SCT: variants seen among roughly 807,000 people sequenced by gnomAD.
SCT encodes secretin.
In SCT, 17 loss-of-function variants were observed where a neutral mutation model predicts 10.9. That is an observed-to-expected ratio of 1.55 (90% CI 1.06 to 2.33). The LOEUF is 2.33. Among genes scored for constraint, SCT ranks in the 30% most tolerant of loss-of-function variants. The pLI is 0.00. For missense variants in SCT, 230 were observed against 165.9 expected (o/e 1.39, Z -2.12); for synonymous variants, 96 against 73.9 (o/e 1.30, Z -1.54).
chr11:626,530 C>A lies in SCT; in HGVS notation c.267G>T (p.Trp89Cys). The change falls in exon 4 of 4, where the codon TGG becomes TGT. Residue 89 changes from tryptophan to cysteine, a missense_variant and splice_region_variant. Transcript: ENST00000176195. ...SGSNMPILQA[W>C]MPLDGTWSPW... is the part of the protein sequence containing the mutation. ...GAGACCAGGTCCCGTCCAGGGGCAT[C>A]CTGCAGAGACAGCACGTGAGGGTCT... The A allele has an allele frequency of 6.4e-7, 1 of 1,556,068 alleles. No individual in the cohort carries two copies. The highest frequency in any genetic ancestry group is 8.7e-7 in the Non-Finnish European group (1 of 1,149,398).
rs760546978 is a variant in SCT, at chr11:626,945, C to T, written c.116G>A (p.Arg39His). The change falls in exon 2 of 4, where the codon CGC becomes CAC. Residue 39 changes from arginine to histidine, a missense_variant. Physicochemically the swap from Arg to His is conservative, Grantham distance 29. Transcript: ENST00000176195. Reference protein sequence around the residue: ...SDGTFTSELSRLREGARLQRL... With the variant: ...SDGTFTSELSHLREGARLQRL... ...CTGGAGCCGCGCGCCCTCCCGCAGG[C>T]GGCTGAGCTCGCTGGTGAACGTCCC... 506 of 1,420,376 alleles carry T rather than the reference C, an allele frequency of 3.6e-4. 2 individuals carry two copies. Among genetic ancestry groups the T allele is most frequent in the Non-Finnish European group, 1.9e-4 (207 of 1,074,138 alleles). The allele number at this position is 1,420,376 out of a possible 1,614,324, so 88.0% of individuals were successfully genotyped here.
chr11:627,053 G>A lies in SCT; in HGVS notation c.71+20C>T, dbSNP rs1399738273. 5 of 1,194,410 alleles carry A rather than the reference G, an allele frequency of 4.2e-6. No homozygotes were observed. Among genetic ancestry groups the A allele is most frequent in the Non-Finnish European group, 3.2e-6 (3 of 948,266 alleles). The allele number at this position is 1,194,410 out of a possible 1,614,324, so 74.0% of individuals were successfully genotyped here. ...GGCGGGTGGGGCCCGGGGGGCGGGC[G>A]GGCCTGGCGGGCGGCTCACCTGGGG... is the stretch of plus-strand genomic sequence containing the variant. On this transcript the variant is annotated intron_variant, in intron 1 of 3. Transcript: ENST00000176195.
At position 626,720 on chromosome 11, in the gene SCT, G is replaced by A. The variant is rs1354705479; in HGVS notation, c.243C>T (p.Ser81=). 6.5e-7 allele frequency: 1 copy of A among 1,550,222 alleles called. No individual in the cohort carries two copies. Among genetic ancestry groups the A allele is most frequent in the Non-Finnish European group, 8.7e-7 (1 of 1,146,614 alleles). The change falls in exon 3 of 4, where the codon TCC becomes TCT. Residue 81 remains serine (S), a synonymous_variant. Coordinates refer to ENST00000176195, the MANE Select transcript of SCT (RefSeq NM_021920.4). ...ACCAGGCCTGCAGGATGGGCATGTT[G>A]GACCCTGACGGGCAGAGCAGACCCG... ...LSAGLLCPSG[S]NMPILQAWMP...
chr11:627,116 G>C lies in SCT; in HGVS notation c.28C>G (p.Leu10Val), dbSNP rs1857795845. The change falls in exon 1 of 4, where the codon CTG becomes GTG. Residue 10 changes from leucine to valine, a missense_variant. By Grantham distance (32) the Leu-to-Val change is conservative (BLOSUM62 1). Transcript: ENST00000176195. Reference sequence around the variant, plus strand: ...GCGGCGGAGCCCCCGAGGAGCAGCAGCAGCAGCAGGAGGGGCCGGGGGGCC... The same window carrying C: ...GCGGCGGAGCCCCCGAGGAGCAGCACCAGCAGCAGGAGGGGCCGGGGGGCC... Reference protein sequence around the residue: MAPRPLLLLLLLLGGSAARP... With the variant: MAPRPLLLLVLLLGGSAARP... The C allele has an allele frequency of 2.9e-6, 3 of 1,036,090 alleles. No individual in the cohort carries two copies. The highest frequency in any genetic ancestry group is 3.6e-6 in the Non-Finnish European group (3 of 841,854). The allele number at this position is 1,036,090 out of a possible 1,614,324, so 64.2% of individuals were successfully genotyped here.
intron 1 of SCT, 30 bp from the exon 2 acceptor site, chr11:627,019 C>A: frequency 8.3e-7 from 1 of 1,201,698 alleles, no homozygotes; most frequent in South Asian, 1.5e-5. Context: ...GGGGTCAGGG[C>A]GCACTGGGGG....
chr11:626,766 A>C lies in SCT; in HGVS notation c.197T>G (p.Met66Arg). 1 of 1,550,478 alleles carries C rather than the reference A, an allele frequency of 6.4e-7. No homozygotes were observed. The highest frequency in any genetic ancestry group is 8.7e-7 in the Non-Finnish European group (1 of 1,146,742). ...KRSEQDAENS[M>R]AWTRLSAGLL... The stretch of plus-strand genomic sequence containing the variant: ...ACCCGCGCTGAGCCTGGTCCAGGCC[A>C]TGCTGTTCTCTGCGTCCTGCTCGCT... The change falls in exon 3 of 4, where the codon ATG (methionine) becomes AGG (arginine). Residue 66 changes from methionine to arginine, a missense_variant. Coordinates refer to ENST00000176195, the MANE Select transcript of SCT (RefSeq NM_021920.4).
chr11:626,641 A>G lies in SCT; in HGVS notation c.266+56T>C, dbSNP rs1292346243. On this transcript the variant is annotated intron_variant, in intron 3 of 3. Coordinates refer to ENST00000176195, the MANE Select transcript of SCT (RefSeq NM_021920.4). ...CGCTGACCCGGGGAGGCCAGGACAG[A>G]AGGAGGGGTCTGGGGTGGGGTCTGG... 6 of 1,486,862 alleles carry G rather than the reference A, an allele frequency of 4.0e-6. No individual in the cohort carries two copies. The South Asian group carries it at 7.3e-5, about 18-fold the overall frequency. 92.1% of individuals were successfully genotyped at this position (1,486,862 alleles called of 1,614,324 possible).
At position 626,568 on chromosome 11, in the gene SCT, T is replaced by C. The variant is rs755843517; in HGVS notation, c.267-38A>G. 7.3e-6 allele frequency: 11 copies of C among 1,507,236 alleles called. No homozygotes were observed. The Admixed American group carries it at 1.6e-4, about 22-fold the overall frequency. 93.4% of individuals were successfully genotyped at this position (1,507,236 alleles called of 1,614,324 possible). ...CACGTGAGGGTCTGAGGGCTGGGGC[T>C]GGAGACCCCGGCCCCGCTGCTGGAA... On this transcript the variant is annotated intron_variant, in intron 3 of 3. Transcript: ENST00000176195.
In SCT at chr11:626,353, C is replaced by T. The variant is rs1589950243; in HGVS notation, c.*78G>A. 2 of 1,065,344 alleles carry T rather than the reference C, an allele frequency of 1.9e-6. No individual in the cohort carries two copies. Among genetic ancestry groups the T allele is most frequent in the South Asian group, 1.4e-5 (1 of 71,186 alleles). The allele number at this position is 1,065,344 out of a possible 1,614,324, so 66.0% of individuals were successfully genotyped here. A position where few individuals can be genotyped will look rare whatever the true frequency, so the allele number is the denominator to read the frequency against. On this transcript the variant is annotated 3_prime_UTR_variant, in exon 4 of 4. Transcript: ENST00000176195. ...TTATTGGTGCCAAGTACCACCCCTC[C>T]CCCTCTCCCCCATCCTGCCCCCCAC...
chr11:626,648 G>A, intron 3 of SCT, 49 bp downstream of exon 3: 3 of 1,491,832 alleles, frequency 2.0e-6, no homozygotes, highest in Non-Finnish European at 2.7e-6. Context: ...CAGAAGGAGG[G>A]GTCTGGGGTG....
intron 3 of SCT, 28 bp from the exon 4 acceptor site, chr11:626,558 G>C: frequency 6.5e-7 from 1 of 1,533,594 alleles, no homozygotes. Flanking sequence ...GAGGGTCTGA[G>C]GGCTGGGGCT....
In SCT at chr11:626,966, G is replaced by GGGA; in HGVS notation, c.94_95insTCC (p.Thr32delinsIlePro). ...CAGGCGGCTGAGCTCGCTGGTGAAC[G>GGGA]TCCCGTCTGAGTGTCGCCGGGCCCT... On this transcript the variant is annotated protein_altering_variant, in exon 2 of 4. Coordinates refer to ENST00000176195, the MANE Select transcript of SCT (RefSeq NM_021920.4). 1 of 1,531,496 alleles carries GGGA rather than the reference G, an allele frequency of 6.5e-7. No individual in the cohort carries two copies. The highest frequency in any genetic ancestry group is 8.7e-7 in the Non-Finnish European group (1 of 1,144,738). The allele number at this position is 1,531,496 out of a possible 1,614,324, so 94.9% of individuals were successfully genotyped here.
Position 626,463 on chromosome 11 carries a change from C to T in SCT, c.334G>A (p.Ala112Thr), listed in dbSNP as rs1255540746. Residue 112 changes from alanine to threonine, a missense_variant, in exon 4 of 4, where the codon GCT becomes ACT. Coordinates refer to ENST00000176195, the MANE Select transcript of SCT (RefSeq NM_021920.4). ...PGPMVSEPAG[A>T]AAEGTLRPR Reference sequence around the variant, plus strand: ...GGCCGCAAGGTTCCTTCTGCAGCAGCGCCAGCTGGTTCTGAAACCATAGGC... The same window carrying T: ...GGCCGCAAGGTTCCTTCTGCAGCAGTGCCAGCTGGTTCTGAAACCATAGGC... 6.4e-6 allele frequency: 10 copies of T among 1,556,318 alleles called. No homozygotes were observed. The highest frequency in any genetic ancestry group is 2.4e-5 in the South Asian group (2 of 84,364).
rs1015122584 is a variant in SCT, at chr11:626,341, G to A, written c.*90C>T. ...CTGATTCCTCCTTTATTGGTGCCAA[G>A]TACCACCCCTCCCCCTCTCCCCCAT... On this transcript the variant is annotated 3_prime_UTR_variant, in exon 4 of 4. Coordinates refer to ENST00000176195, the MANE Select transcript of SCT (RefSeq NM_021920.4). 2 of 934,048 alleles carry A rather than the reference G, an allele frequency of 2.1e-6. No individual in the cohort carries two copies. The highest frequency in any genetic ancestry group is 1.7e-5 in the African/African-American group (1 of 60,498). 57.9% of individuals were successfully genotyped at this position (934,048 alleles called of 1,614,324 possible).
Position 626,436 on chromosome 11 carries a change from T to G in SCT, c.361A>C (p.Arg121=), listed in dbSNP as rs1290960611. Residue 121 remains arginine (R), a synonymous_variant, in exon 4 of 4, where the codon AGA becomes CGA. Coordinates refer to ENST00000176195, the MANE Select transcript of SCT (RefSeq NM_021920.4). ...GAAAEGTLRP[R] is the part of the protein sequence containing the mutation. ...GTGGTGAGGGGGTTCCTTCCTCATCTGGGCCGCAAGGTTCCTTCTGCAGCA... is the reference window on the plus strand; with the variant it reads ...GTGGTGAGGGGGTTCCTTCCTCATCGGGGCCGCAAGGTTCCTTCTGCAGCA... The G allele has an allele frequency of 1.3e-6, 2 of 1,551,948 alleles. No individual in the cohort carries two copies. The highest frequency in any genetic ancestry group is 1.7e-6 in the Non-Finnish European group (2 of 1,147,196).
chr11:626,795 C>T lies in SCT; in HGVS notation c.174-6G>A, dbSNP rs1857766512. ...TGTTCTCTGCGTCCTGCTCGCTGCC[C>T]CCCGCCCCAAAACAGAGTTAGTCCT... is the stretch of plus-strand genomic sequence containing the variant. On this transcript the variant is annotated splice_region_variant and splice_polypyrimidine_tract_variant and intron_variant, in intron 2 of 3. Transcript: ENST00000176195. 3 of 1,549,070 alleles carry T rather than the reference C, an allele frequency of 1.9e-6. No individual in the cohort carries two copies. Among genetic ancestry groups the T allele is most frequent in the African/African-American group, 2.7e-5 (2 of 73,032 alleles).
At position 626,462 on chromosome 11, in the gene SCT, G is replaced by T; in HGVS notation, c.335C>A (p.Ala112Asp). The change falls in exon 4 of 4, where the codon GCT (alanine) becomes GAT (aspartate). Residue 112 changes from alanine to aspartate, a missense_variant. By Grantham distance (126) the Ala-to-Asp change is moderately radical (BLOSUM62 -2). Coordinates refer to ENST00000176195, the MANE Select transcript of SCT (RefSeq NM_021920.4). ...GGGCCGCAAGGTTCCTTCTGCAGCA[G>T]CGCCAGCTGGTTCTGAAACCATAGG... ...PGPMVSEPAGAAAEGTLRPR is the reference protein window; with the variant it reads ...PGPMVSEPAGDAAEGTLRPR The T allele has an allele frequency of 6.4e-7, 1 of 1,556,212 alleles. No individual in the cohort carries two copies. Among genetic ancestry groups the T allele is most frequent in the East Asian group, 2.4e-5 (1 of 41,386 alleles).
intron 3 of SCT, 70 bp from the exon 4 acceptor site, chr11:626,600 C>A: frequency 6.8e-7 from 1 of 1,480,530 alleles, no homozygotes; most frequent in Non-Finnish European, 9.2e-7. Flanking sequence ...GGAATTGGGC[C>A]TCCAGTGGCC....
At chr11:626,857 C>T in intron 2 of SCT, 31 bp downstream of exon 2, 2 of 1,543,550 alleles carry the variant, frequency 1.3e-6, no homozygotes, top group Non-Finnish European at 1.8e-6. Context: ...TGGGGCACCA[C>T]GCCAGGACCC....
Sources: gnomAD v4.1 joint callset for allele counts on GRCh38, gnomAD v4.1.1 for gene constraint, MANE v1.5 for transcripts, NCBI Gene and HGNC (gene_info 2026-07-23, HGNC 2026-07-21) for gene names.